Variants in ADGRV1 observed in about 807,000 individuals in gnomAD.
ADGRV1 encodes adhesion G protein-coupled receptor V1.
Under a neutral mutation model 596.2 loss-of-function variants are expected in ADGRV1, and 359 were observed. The ratio of observed to expected loss-of-function variants is 0.60; its 90% CI spans 0.55 to 0.66. ADGRV1 has a LOEUF of 0.66. Among genes scored for constraint, ADGRV1 ranks in the 30% least tolerant of loss-of-function variants. The probability of loss-of-function intolerance (pLI) is 0.00; values close to 1 mark genes in which losing one functional copy is unlikely to be tolerated. For missense variants in ADGRV1, 7,274 were observed against 7,575.6 expected (o/e 0.96, Z 1.48); for synonymous variants, 2,681 against 2,679.2 (o/e 1.00, Z -0.02).
chr5:90,753,453 G>T (rs947912277), intron 53 of ADGRV1, 121 bp from the exon 54 acceptor site: 1 of 657,072 alleles, frequency 1.5e-6, no homozygotes, highest in South Asian at 2.3e-5. Context: ...TTATTATGTT[G>T]CTTAAATATC....
At chr5:90,753,186 G>A (rs1046239268) in intron 53 of ADGRV1, among the ~76,000 whole-genome samples, 4 of 151,970 alleles carry the variant, frequency 2.6e-5, no homozygotes, top group Non-Finnish European at 4.4e-5. Context: ...GAAATAATCC[G>A]GGCAAAAGTT....
At chr5:90,961,255 C>CTTT (rs1205295801) in intron 83 of ADGRV1, among the ~76,000 whole-genome samples, 1 of 152,058 alleles carries the variant, frequency 6.6e-6, no homozygotes, top group Non-Finnish European at 1.5e-5. Flanking sequence ...AATCCCAGCA[C>CTTT]TTTGGGAGGC....
intron 53 of ADGRV1, 70 bp downstream of exon 53, chr5:90,750,767 C>T: frequency 8.3e-7 from 1 of 1,202,486 alleles, no homozygotes. Context: ...GGACCAAATC[C>T]TGCCTTATGG....
At chr5:90,802,080 A>T (rs1044239663) in intron 70 of ADGRV1, among the ~76,000 whole-genome samples, 1 of 152,246 alleles carries the variant, frequency 6.6e-6, no homozygotes, top group African/African-American at 2.4e-5. Flanking sequence ...ACACTTTGCC[A>T]GAGTGCCCCT....
At chr5:90,607,680 C>G (rs1475720267) in intron 1 of ADGRV1, among the ~76,000 whole-genome samples, 1 of 152,100 alleles carries the variant, frequency 6.6e-6, no homozygotes, top group Non-Finnish European at 1.5e-5. Flanking sequence ...AAAATTGGGA[C>G]TTTCTAATAA....
Position 90,750,531 on chromosome 5 carries a change from C to T in ADGRV1, c.10975-20C>T, listed in dbSNP as rs202021173. Reference sequence around the variant, plus strand: ...GGTAATTTCAGGGAACCCCTTGTGACTTTCTGTGTATTTTTTCAGAATTCA... The same window carrying T: ...GGTAATTTCAGGGAACCCCTTGTGATTTTCTGTGTATTTTTTCAGAATTCA... On this transcript the variant is annotated intron_variant, in intron 52 of 89. Transcript: ENST00000405460. The T allele has an allele frequency of 1.1e-5, 17 of 1,583,812 alleles. No individual in the cohort carries two copies. In the East Asian group the frequency reaches 3.4e-4, roughly 32 times the overall value.
At chr5:91,078,666 CAGCAGACATGTGCA>C (rs1259265430) in intron 86 of ADGRV1, among the ~76,000 whole-genome samples, 1 of 152,200 alleles carries the variant, frequency 6.6e-6, no homozygotes, top group East Asian at 1.9e-4. Flanking sequence ...TGGCCATGTG[CAGCAGACATGTGCA>C]AAGGCAGGCT....
intron 70 of ADGRV1, 55 bp downstream of exon 70, chr5:90,791,401 G>A: frequency 7.9e-7 from 1 of 1,272,936 alleles, no homozygotes; most frequent in South Asian, 1.5e-5. Flanking sequence ...TTTCAGGAGT[G>A]CCCATGCTTA....
chr5:90,576,183 A>G (rs755363571), intron 1 of ADGRV1, among the ~76,000 whole-genome samples: 24 of 152,110 alleles, frequency 1.6e-4, no homozygotes, highest in Non-Finnish European at 3.4e-4. Context: ...TTACATAGGT[A>G]TACATGTGTC....
chr5:90,829,125 G>C lies in ADGRV1; in HGVS notation c.16550G>C (p.Ser5517Thr). The change falls in exon 77 of 90, where the codon AGT becomes ACT. Residue 5517 changes from serine (S) to threonine (T), a missense_variant. Transcript: ENST00000405460. ...GCTCACAAGAAGGCCACTTTAATCA[G>C]TCTGCAGGTGGCCAGAGATTCTGGG... The part of the protein sequence containing the change: ...AVAHKKATLI[S>T]LQVARDSGTG... 6.2e-7 allele frequency: 1 copy of C among 1,606,396 alleles called. No homozygotes were observed. Among genetic ancestry groups the C allele is most frequent in the Non-Finnish European group, 8.5e-7 (1 of 1,175,008 alleles).
At chr5:90,818,626 G>T (rs977062451) in intron 75 of ADGRV1, among the ~76,000 whole-genome samples, 5 of 151,088 alleles carry the variant, frequency 3.3e-5, no homozygotes, top group Non-Finnish European at 5.9e-5. Context: ...TAGCATGAAG[G>T]GTTGTTGAAT....
At chr5:90,950,051 C>T (rs1289727570) in intron 83 of ADGRV1, among the ~76,000 whole-genome samples, 1 of 152,116 alleles carries the variant, frequency 6.6e-6, no homozygotes, top group Non-Finnish European at 1.5e-5. Flanking sequence ...TGTCGGAGAA[C>T]TGGAGATACA....
chr5:91,149,161 G>A (rs1005352183), intron 87 of ADGRV1, among the ~76,000 whole-genome samples: 8 of 152,154 alleles, frequency 5.3e-5, no homozygotes, highest in African/African-American at 1.9e-4. Context: ...TAAGACTTTG[G>A]GAGACTGTTG....
At chr5:91,124,303 G>T (rs1353444801) in intron 87 of ADGRV1, among the ~76,000 whole-genome samples, 1 of 151,920 alleles carries the variant, frequency 6.6e-6, no homozygotes, top group Admixed American at 6.6e-5. Flanking sequence ...ATTTTCTATT[G>T]TGTTTATTAT....
chr5:90,695,266 A>G (rs1008559142), intron 33 of ADGRV1, among the ~76,000 whole-genome samples: 30 of 152,134 alleles, frequency 2.0e-4, no homozygotes, highest in Admixed American at 1.3e-3. Context: ...CTATTGTAAA[A>G]TTTCATAAAC....
At chr5:90,760,182 A>G (rs1267925708) in intron 58 of ADGRV1, among the ~76,000 whole-genome samples, 1 of 150,216 alleles carries the variant, frequency 6.7e-6, no homozygotes, top group African/African-American at 2.5e-5. Context: ...AGCCTGAGGC[A>G]GGAGAATCAC....
intron 85 of ADGRV1, among the ~76,000 whole-genome samples, chr5:90,987,928 C>T (rs1248822298): frequency 6.6e-6 from 1 of 152,120 alleles, no homozygotes; most frequent in Non-Finnish European, 1.5e-5. Flanking sequence ...CTCTTTCCTG[C>T]CAGCCCTGAA....
In ADGRV1 at chr5:90,683,705, C is replaced by G. The variant is rs199605700; in HGVS notation, c.5784C>G (p.Ser1928Arg). 50 of 1,613,744 alleles carry G rather than the reference C, an allele frequency of 3.1e-5. No homozygotes were observed. The Admixed American group carries it at 7.2e-4, about 23-fold the overall frequency. ...GNITFEIGQT[S>R]ANITVEILPD... ...TCACATTTGAGATTGGGCAGACGAG[C>G]GCCAATATCACTGTGGAGATATTGC... The change falls in exon 28 of 90, where the codon AGC becomes AGG. Residue 1928 changes from serine (S) to arginine (R), a missense_variant. By Grantham distance (110) the Ser-to-Arg change is moderately radical. Transcript: ENST00000405460.
intron 1 of ADGRV1, among the ~76,000 whole-genome samples, chr5:90,605,276 G>A (rs185125607): frequency 5.3e-5 from 8 of 152,086 alleles, no homozygotes; most frequent in African/African-American, 1.7e-4. Flanking sequence ...TTAGCTGGGC[G>A]TGGTGGCACG....
Sources: allele counts gnomAD v4.1 joint callset (sites outside exome capture counted in the v4.1 genomes callset), GRCh38; gene constraint gnomAD v4.1.1; transcripts MANE v1.5; gene names NCBI Gene and HGNC (gene_info 2026-07-23, HGNC 2026-07-21).